SPAG16: variants seen among roughly 807,000 people sequenced by gnomAD.
The protein encoded by SPAG16 is sperm associated antigen 16.
Under a neutral mutation model 80.4 loss-of-function variants are expected in SPAG16, and 86 were observed. That is an observed-to-expected ratio of 1.07 (90% CI 0.90 to 1.28). The LOEUF (loss-of-function observed/expected upper bound fraction) is 1.28. SPAG16 is among the 50% of genes most tolerant of loss of function. The pLI is 0.00. For synonymous variants in SPAG16, 294 were observed against 265.9 expected, an observed-to-expected ratio of 1.11 and a Z score of -1.03; for missense variants, 870 against 765.3, an observed-to-expected ratio of 1.14 and a Z score of -1.61.
chr2:214,062,623 A>C (rs1316586625), intron 13 of SPAG16, among the ~76,000 whole-genome samples: 1 of 148,886 alleles, frequency 6.7e-6, no homozygotes, highest in African/African-American at 2.5e-5. Context: ...CTAATTCATC[A>C]CAATATCTTG....
Position 213,587,261 on chromosome 2 carries a change from G to T in SPAG16, c.1070+97171G>T, listed in dbSNP as rs1424304250. ...GCAGCCACATTCCCACAACTTTGCTGGGTACAGTGCATGCTGTACCTGGGT... is the reference window on the plus strand; with the variant it reads ...GCAGCCACATTCCCACAACTTTGCTTGGTACAGTGCATGCTGTACCTGGGT... On this transcript the variant is annotated intron_variant, in intron 10 of 15. Coordinates refer to ENST00000331683, the MANE Select transcript of SPAG16 (RefSeq NM_024532.5). Among the ~76,000 whole-genome samples, 7 of 152,264 alleles carry T rather than the reference G, an allele frequency of 4.6e-5. No homozygotes were observed. In the South Asian group the frequency reaches 1.2e-3, roughly 27 times the overall value.
chr2:214,105,543 C>G (rs995124010), intron 13 of SPAG16, among the ~76,000 whole-genome samples: 5 of 152,140 alleles, frequency 3.3e-5, no homozygotes, highest in Non-Finnish European at 7.4e-5. Flanking sequence ...TTAAATGTGG[C>G]CATTTCTACC....
intron 13 of SPAG16, among the ~76,000 whole-genome samples, chr2:214,068,716 T>A (rs895059058): frequency 1.3e-5 from 2 of 152,088 alleles, no homozygotes; most frequent in African/African-American, 4.8e-5. Context: ...AAAGCTGAAT[T>A]TTTAATATGC....
intron 7 of SPAG16, among the ~76,000 whole-genome samples, chr2:213,357,032 C>G (rs1043612003): frequency 1.1e-4 from 16 of 151,988 alleles, no homozygotes; most frequent in South Asian, 4.1e-4. Flanking sequence ...GGAGCAGGTT[C>G]TTCAGTTTCC....
chr2:214,395,214 G>GTAAA (rs1246991284), intron 15 of SPAG16, among the ~76,000 whole-genome samples: 2 of 152,138 alleles, frequency 1.3e-5, no homozygotes, highest in African/African-American at 4.8e-5. Flanking sequence ...ACCTCTTTGG[G>GTAAA]TAAATACAAA....
intron 1 of SPAG16, 105 bp from the exon 2 acceptor site, chr2:213,295,959 C>T (rs2062478347): frequency 1.1e-6 from 1 of 893,472 alleles, no homozygotes; most frequent in Non-Finnish European, 1.8e-6. Context: ...TACCAACTTC[C>T]TGGTGAGATA....
At chr2:214,212,170 T>A (rs1051901115) in intron 15 of SPAG16, among the ~76,000 whole-genome samples, 1 of 152,168 alleles carries the variant, frequency 6.6e-6, no homozygotes, top group Admixed American at 6.6e-5. Flanking sequence ...GGTTTACCCC[T>A]CTCTAAATTC....
chr2:213,923,745 G>T (rs1049758585), intron 11 of SPAG16: 2 of 152,308 alleles, frequency 1.3e-5, no homozygotes, highest in Non-Finnish European at 2.9e-5. Flanking sequence ...CCAGTGATGA[G>T]GGCAGGTGAG....
chr2:213,298,701 G>T (rs2062605826), intron 3 of SPAG16, among the ~76,000 whole-genome samples: 1 of 152,196 alleles, frequency 6.6e-6, no homozygotes, highest in African/African-American at 2.4e-5. Flanking sequence ...TGTAGTAGCT[G>T]TTGTATCTAC....
At chr2:214,156,606 G>A (rs547000886) in intron 15 of SPAG16, among the ~76,000 whole-genome samples, 1 of 152,118 alleles carries the variant, frequency 6.6e-6, no homozygotes, top group East Asian at 1.9e-4. Flanking sequence ...AGCAAGATTT[G>A]ATTTCTACAG....
intron 15 of SPAG16, among the ~76,000 whole-genome samples, chr2:214,367,876 C>G (rs1258503553): frequency 2.6e-5 from 4 of 152,098 alleles, no homozygotes; most frequent in African/African-American, 9.7e-5. Context: ...CAATTTCTAT[C>G]TCTTCCCACA....
intron 5 of SPAG16, among the ~76,000 whole-genome samples, chr2:213,330,569 C>A (rs1484732139): frequency 6.6e-6 from 1 of 152,172 alleles, no homozygotes; most frequent in African/African-American, 2.4e-5. Context: ...AACTAACTTG[C>A]TTTTGATTTT....
chr2:213,920,465 A>G (rs2078164471), intron 11 of SPAG16, among the ~76,000 whole-genome samples: 1 of 152,186 alleles, frequency 6.6e-6, no homozygotes, highest in East Asian at 1.9e-4. Flanking sequence ...ACATGTTGGC[A>G]ATGTGATATA....
chr2:213,599,223 G>A (rs1385658471), intron 10 of SPAG16, among the ~76,000 whole-genome samples: 1 of 152,212 alleles, frequency 6.6e-6, no homozygotes, highest in Non-Finnish European at 1.5e-5. Context: ...TCTTAAGGCA[G>A]TATTTCTGGA....
intron 10 of SPAG16, among the ~76,000 whole-genome samples, chr2:213,648,688 C>G (rs2062915237): frequency 6.6e-6 from 1 of 152,162 alleles, no homozygotes; most frequent in African/African-American, 2.4e-5. Context: ...TTTTCTTTAA[C>G]AAAGGAGACT....
chr2:213,854,097 G>A (rs1046919069), intron 10 of SPAG16, among the ~76,000 whole-genome samples: 1 of 152,182 alleles, frequency 6.6e-6, no homozygotes, highest in Non-Finnish European at 1.5e-5. Context: ...ATATTAACTT[G>A]TGAAAGTGTT....
At chr2:213,736,687 G>C (rs1170283962) in intron 10 of SPAG16, among the ~76,000 whole-genome samples, 1 of 147,236 alleles carries the variant, frequency 6.8e-6, no homozygotes, top group South Asian at 2.2e-4. Context: ...TAATTGATGT[G>C]TGCATATATT....
chr2:213,411,414 A>G (rs2068959692), intron 9 of SPAG16, among the ~76,000 whole-genome samples: 1 of 152,200 alleles, frequency 6.6e-6, no homozygotes. Flanking sequence ...TATTAACTAC[A>G]CTAAAGATGC....
intron 12 of SPAG16, among the ~76,000 whole-genome samples, chr2:213,957,922 A>G (rs1040845675): frequency 6.6e-6 from 1 of 152,222 alleles, no homozygotes; most frequent in African/African-American, 2.4e-5. Context: ...CTCTCTAGAA[A>G]AGCCCCGACT....
Sources: gnomAD v4.1 joint callset for allele counts (sites outside exome capture counted in the v4.1 genomes callset) on GRCh38, gnomAD v4.1.1 for gene constraint, MANE v1.5 for transcripts, NCBI Gene and HGNC (gene_info 2026-07-23, HGNC 2026-07-21) for gene names.